The following CBLB variants were observed in gnomAD, a reference collection of about 807,000 sequenced individuals.
The protein encoded by CBLB is E3 ubiquitin-protein ligase CBL-B.
Under a neutral mutation model 104.9 loss-of-function variants are expected in CBLB, and 31 were observed. The observed-to-expected ratio is 0.30, with a 90% CI of 0.22 to 0.40. The LOEUF (loss-of-function observed/expected upper bound fraction) is 0.40, where lower values mean the gene tolerates loss of function less well. CBLB is among the 10% of genes least tolerant of loss of function. CBLB has a pLI of 1.00. For synonymous variants in CBLB, 440 were observed against 422.6 expected (o/e 1.04, Z -0.51); for missense variants, 1,062 against 1,214.6 (o/e 0.87, Z 1.87).
intron 3 of CBLB, among the ~76,000 whole-genome samples, chr3:105,847,421 C>A (rs187519117): frequency 1.3e-5 from 2 of 151,160 alleles, no homozygotes; most frequent in African/African-American, 2.4e-5. Flanking sequence ...CACACACACA[C>A]ACACACACCC....
chr3:105,764,702 G>A (rs2078026737), intron 4 of CBLB, among the ~76,000 whole-genome samples: 1 of 152,198 alleles, frequency 6.6e-6, no homozygotes, highest in African/African-American at 2.4e-5. Flanking sequence ...AGAAAGGCAT[G>A]TCTAAATCTG....
In CBLB at chr3:105,776,616, T is replaced by C; in HGVS notation, c.420-74A>G. ...GCATGCAAATTTTTATGGTAATATA[T>C]ATTAAGACAAACAATGTTATGTATG... On this transcript the variant is annotated intron_variant, in intron 3 of 18. Transcript: ENST00000394030. 5.2e-6 allele frequency: 7 copies of C among 1,334,128 alleles called. No homozygotes were observed. The Admixed American group carries it at 1.0e-4, about 19-fold the overall frequency. The allele number at this position is 1,334,128 out of a possible 1,614,324, so 82.6% of individuals were successfully genotyped here.
chr3:105,810,669 T>C (rs1560347929), intron 3 of CBLB, among the ~76,000 whole-genome samples: 1 of 152,126 alleles, frequency 6.6e-6, no homozygotes, highest in Non-Finnish European at 1.5e-5. Context: ...AAATAATTTA[T>C]AGTTCTGTCA....
At chr3:105,803,555 A>T (rs2083146347) in intron 3 of CBLB, among the ~76,000 whole-genome samples, 1 of 152,216 alleles carries the variant, frequency 6.6e-6, no homozygotes, top group African/African-American at 2.4e-5. Flanking sequence ...GTCGAAAGTC[A>T]GGTAAGGCAC....
chr3:105,763,209 G>C (rs975287873), intron 4 of CBLB, among the ~76,000 whole-genome samples: 6 of 152,138 alleles, frequency 3.9e-5, no homozygotes, highest in African/African-American at 1.2e-4. Context: ...ATAAGTGCAA[G>C]AGACTCTTGT....
chr3:105,832,029 A>T (rs1308933826), intron 3 of CBLB, among the ~76,000 whole-genome samples: 2 of 152,088 alleles, frequency 1.3e-5, no homozygotes, highest in African/African-American at 4.8e-5. Flanking sequence ...GGAAATTTTA[A>T]AAAAAAATTT....
chr3:105,822,077 A>T lies in CBLB; in HGVS notation c.419+31337T>A, dbSNP rs754539991. On this transcript the variant is annotated intron_variant, in intron 3 of 18. Coordinates refer to ENST00000394030, the MANE Select transcript of CBLB (RefSeq NM_170662.5). The stretch of plus-strand genomic sequence containing the variant: ...TGTATAAGTTATTTAACCAATTGAC[A>T]CTATTATAAATAACTTATATTATTA... Among the ~76,000 whole-genome samples, 41 of 152,178 alleles carry T rather than the reference A, an allele frequency of 2.7e-4. No homozygotes were observed. The Middle Eastern group carries it at 0.01, about 38-fold the overall frequency.
intron 10 of CBLB, among the ~76,000 whole-genome samples, chr3:105,717,014 C>A (rs967041140): frequency 2.6e-5 from 4 of 152,136 alleles, no homozygotes; most frequent in Non-Finnish European, 4.4e-5. Context: ...GAACATTCTG[C>A]TTCTCATGTT....
chr3:105,684,162 C>T (rs772478353), intron 14 of CBLB, among the ~76,000 whole-genome samples: 5 of 152,178 alleles, frequency 3.3e-5, no homozygotes, highest in African/African-American at 4.8e-5. Context: ...TCTCCCCTAT[C>T]CCTCAGTCAG....
intron 3 of CBLB, among the ~76,000 whole-genome samples, chr3:105,808,604 A>G (rs890790251): frequency 2.6e-5 from 4 of 152,222 alleles, no homozygotes; most frequent in Non-Finnish European, 4.4e-5. Context: ...TGGTAAACAT[A>G]TAATAACTGT....
rs2152964079 is a variant in CBLB at position 105,776,562 on chromosome 3, A to C, written c.420-20T>G. The C allele has an allele frequency of 1.2e-6, 2 of 1,612,500 alleles. No homozygotes were observed. Among genetic ancestry groups the C allele is most frequent in the East Asian group, 4.5e-5 (2 of 44,798 alleles). On this transcript the variant is annotated intron_variant, in intron 3 of 18. Coordinates refer to ENST00000394030, the MANE Select transcript of CBLB (RefSeq NM_170662.5). ...TTTCGTCTGTAGGCACAAGGGAAAAAAATGAAGATAAGAAATAAACACCTA... is the reference window on the plus strand; with the variant it reads ...TTTCGTCTGTAGGCACAAGGGAAAACAATGAAGATAAGAAATAAACACCTA...
In CBLB at chr3:105,867,471, G is replaced by A. The variant is rs1462997265; in HGVS notation, c.107C>T (p.Pro36Leu). 6.2e-7 allele frequency: 1 copy of A among 1,614,040 alleles called. No homozygotes were observed. Among genetic ancestry groups the A allele is most frequent in the African/African-American group, 1.3e-5 (1 of 74,906 alleles). The change falls in exon 2 of 19, where the codon CCT (proline) becomes CTT (leucine). Residue 36 changes from proline to leucine, a missense_variant. This residue lies in a region of CBLB where 457 missense variants were observed against 632.0 expected (regional missense o/e 0.72). Coordinates refer to ENST00000394030, the MANE Select transcript of CBLB (RefSeq NM_170662.5). ...CCTGCGATCTGCGGCAGCTTGCTTA[G>A]GGGGTCCAACTGCATCCTGAATAGC... ...IDAIQDAVGPPKQAAADRRTV... is the reference protein window; with the variant it reads ...IDAIQDAVGPLKQAAADRRTV...
At chr3:105,838,249 ATTTTTT>A (rs55769611) in intron 3 of CBLB, among the ~76,000 whole-genome samples, 8 of 55,992 alleles carry the variant, frequency 1.4e-4, no homozygotes, top group African/African-American at 5.6e-4. Context: ...ACACCTGGCT[ATTTTTT>A]TTTTTTTTTT....
At chr3:105,830,068 G>A (rs2087247668) in intron 3 of CBLB, among the ~76,000 whole-genome samples, 1 of 152,118 alleles carries the variant, frequency 6.6e-6, no homozygotes. Context: ...TGAGAACAAA[G>A]AAGAAGGAGT....
At chr3:105,838,084 T>A (rs746887150) in intron 3 of CBLB, among the ~76,000 whole-genome samples, 7 of 1,748 alleles carry the variant, frequency 4.0e-3, no homozygotes, top group Non-Finnish European at 0.027. Context: ...CCTTTTTTTC[T>A]TTTTTTTTTT....
chr3:105,690,821 C>CA (rs1178398593), intron 13 of CBLB, among the ~76,000 whole-genome samples: 2,718 of 65,472 alleles, frequency 0.042, 45 homozygotes, highest in East Asian at 0.1. Flanking sequence ...GACTCCATCT[C>CA]AAAAAAAAAA....
At chr3:105,762,563 A>C (rs1244260995) in intron 4 of CBLB, among the ~76,000 whole-genome samples, 1 of 152,244 alleles carries the variant, frequency 6.6e-6, no homozygotes, top group East Asian at 1.9e-4. Flanking sequence ...CAGCTTCCAC[A>C]TGGTGTTTGA....
intron 3 of CBLB, among the ~76,000 whole-genome samples, chr3:105,802,246 C>A (rs1393095435): frequency 1.3e-5 from 2 of 152,196 alleles, no homozygotes; most frequent in Non-Finnish European, 2.9e-5. Flanking sequence ...TTTGCAGTTA[C>A]CTAAACAGGC....
At chr3:105,743,809 G>T (rs1454372071) in intron 6 of CBLB, among the ~76,000 whole-genome samples, 2 of 149,614 alleles carry the variant, frequency 1.3e-5, no homozygotes, top group South Asian at 2.1e-4. Flanking sequence ...TTCATTAAGG[G>T]TGTTTTCCTA....
Sources: gnomAD v4.1 joint callset for allele counts (sites outside exome capture counted in the v4.1 genomes callset) on GRCh38, gnomAD v4.1.1 for gene constraint, gnomAD v4.1.1 regional missense constraint, MANE v1.5 for transcripts, NCBI Gene and HGNC (gene_info 2026-07-23, HGNC 2026-07-21) for gene names.